FNDC3B: variants seen among roughly 807,000 people sequenced by gnomAD.
The protein encoded by FNDC3B is fibronectin type III domain-containing protein 3B.
FNDC3B carries 12 observed loss-of-function variants against 151.5 expected under a neutral mutation model. The observed-to-expected ratio is 0.08, with a 90% CI of 0.05 to 0.13. The LOEUF is 0.13. Among genes scored for constraint, FNDC3B ranks in the 10% least tolerant of loss-of-function variants. FNDC3B has a pLI of 1.00. For missense variants in FNDC3B, 1,214 were observed against 1,505.3 expected (o/e 0.81, Z 3.20); for synonymous variants, 528 against 549.0 (o/e 0.96, Z 0.54).
chr3:172,336,852 G>A (rs576518627), intron 15 of FNDC3B, among the ~76,000 whole-genome samples: 4 of 150,862 alleles, frequency 2.7e-5, no homozygotes, highest in African/African-American at 9.7e-5. Flanking sequence ...GCCGTGAGCC[G>A]AGATGGCGCC....
At chr3:172,327,505 A>G (rs1732418134) in intron 11 of FNDC3B, among the ~76,000 whole-genome samples, 1 of 152,106 alleles carries the variant, frequency 6.6e-6, no homozygotes. Flanking sequence ...GGTTCACGCC[A>G]TTCTCCCTCC....
intron 1 of FNDC3B, among the ~76,000 whole-genome samples, chr3:172,064,602 C>G (rs1417247157): frequency 1.3e-5 from 2 of 152,222 alleles, no homozygotes; most frequent in Non-Finnish European, 2.9e-5. Context: ...CAAAGTGTGA[C>G]TTCAGAGATA....
At chr3:172,268,655 G>A (rs775403410) in intron 6 of FNDC3B, among the ~76,000 whole-genome samples, 31 of 152,188 alleles carry the variant, frequency 2.0e-4, no homozygotes, top group African/African-American at 3.9e-4. Context: ...ATCAACTTTC[G>A]TGGTATTGCT....
chr3:172,168,474 T>G (rs1326914565), intron 3 of FNDC3B, among the ~76,000 whole-genome samples: 2 of 152,236 alleles, frequency 1.3e-5, no homozygotes, highest in Non-Finnish European at 2.9e-5. Context: ...GGTATGCTGG[T>G]GATAGCTTCT....
chr3:172,169,714 G>A (rs1188480272), intron 3 of FNDC3B, among the ~76,000 whole-genome samples: 7 of 152,214 alleles, frequency 4.6e-5, no homozygotes, highest in Non-Finnish European at 1.0e-4. Context: ...ACGAGTGAGT[G>A]AGAAAAGCTG....
At position 172,112,571 on chromosome 3, in the gene FNDC3B, A is replaced by G. The variant is rs202093397; in HGVS notation, c.92A>G (p.Asn31Ser). 195 of 1,612,976 alleles carry G rather than the reference A, an allele frequency of 1.2e-4. No individual in the cohort carries two copies. Among genetic ancestry groups the G allele is most frequent in the Non-Finnish European group, 1.6e-4 (192 of 1,178,898 alleles). Residue 31 changes from asparagine (N) to serine (S), a missense_variant, in exon 2 of 26, where the codon AAT becomes AGT. Physicochemically the swap from Asn to Ser is conservative, Grantham distance 46. Coordinates refer to ENST00000415807, the MANE Select transcript of FNDC3B (RefSeq NM_022763.4). ...GTAGCCATGATGCCCCACTTGGTGA[A>G]TGGAGATGCAGCTCAGCAGGTTGGT... Reference protein sequence around the residue: ...GEVAMMPHLVNGDAAQQVILV... With the variant: ...GEVAMMPHLVSGDAAQQVILV...
intron 6 of FNDC3B, 78 bp downstream of exon 6, chr3:172,251,619 T>C: frequency 3.7e-6 from 5 of 1,347,688 alleles, no homozygotes; most frequent in Non-Finnish European, 5.0e-6. Flanking sequence ...ATCTTTTACA[T>C]GAGAATATTA....
chr3:172,142,268 A>C (rs1721663300), intron 3 of FNDC3B, among the ~76,000 whole-genome samples: 1 of 152,230 alleles, frequency 6.6e-6, no homozygotes, highest in South Asian at 2.1e-4. Flanking sequence ...CAGAAAGCCT[A>C]TGCGAACTGG....
chr3:172,171,235 C>T (rs1028131613), intron 3 of FNDC3B, among the ~76,000 whole-genome samples: 1 of 152,162 alleles, frequency 6.6e-6, no homozygotes, highest in African/African-American at 2.4e-5. Context: ...TTAAGATAGG[C>T]TTGGAAAGTG....
rs570321101 is a variant in FNDC3B at position 172,328,744 on chromosome 3, A to G, written c.1255-208A>G. On this transcript the variant is annotated intron_variant, in intron 11 of 25. Transcript: ENST00000415807. The stretch of plus-strand genomic sequence containing the variant: ...CTGTCTCAATTACAGAATTTTCTGT[A>G]GTGCCTTTATGTTAGAGATGAGATT... 3.1e-3 allele frequency among the ~76,000 whole-genome samples: 468 copies of G among 152,300 alleles called. 3 individuals are homozygous for G. Among genetic ancestry groups the G allele is most frequent in the African/African-American group, 0.011 (456 of 41,554 alleles).
intron 3 of FNDC3B, among the ~76,000 whole-genome samples, chr3:172,176,628 A>G (rs1051182120): frequency 1.1e-4 from 16 of 152,190 alleles, no homozygotes; most frequent in African/African-American, 3.6e-4. Flanking sequence ...GTCGAATGAG[A>G]TAATGTGAGA....
intron 3 of FNDC3B, among the ~76,000 whole-genome samples, chr3:172,196,892 AC>A (rs1196917449): frequency 2.0e-5 from 3 of 152,232 alleles, no homozygotes; most frequent in Non-Finnish European, 4.4e-5. Flanking sequence ...TTTTTAAAGA[AC>A]AATTCTTGGC....
chr3:172,080,541 G>C (rs1026031758), intron 1 of FNDC3B, among the ~76,000 whole-genome samples: 2 of 151,948 alleles, frequency 1.3e-5, no homozygotes, highest in South Asian at 2.1e-4. Flanking sequence ...GCCTCCCAAA[G>C]TGTTGGGATT....
rs1332529231 is a variant in FNDC3B, at chr3:172,045,123, T to G, written c.-29+5352T>G. Among the ~76,000 whole-genome samples the G allele has an allele frequency of 2.6e-5, 4 of 152,186 alleles. No individual in the cohort carries two copies. In the East Asian group the frequency reaches 7.7e-4, roughly 29 times the overall value. On this transcript the variant is annotated intron_variant, in intron 1 of 25. Coordinates refer to ENST00000415807, the MANE Select transcript of FNDC3B (RefSeq NM_022763.4). Reference sequence around the variant, plus strand: ...CTCCATAGTTCATTATATTCCAGAGTTTAAAACTGAGCTGGTGCTATGGTA... The same window carrying G: ...CTCCATAGTTCATTATATTCCAGAGGTTAAAACTGAGCTGGTGCTATGGTA...
chr3:172,172,440 TAA>T (rs1723331975), intron 3 of FNDC3B, among the ~76,000 whole-genome samples: 1 of 152,216 alleles, frequency 6.6e-6, no homozygotes, highest in Admixed American at 6.5e-5. Context: ...TGTGACAAAG[TAA>T]AGAGTGTCCA....
chr3:172,140,554 C>T (rs1308270202), intron 3 of FNDC3B, among the ~76,000 whole-genome samples: 1 of 152,340 alleles, frequency 6.6e-6, no homozygotes, highest in African/African-American at 2.4e-5. Context: ...CTTTTACAGA[C>T]AGCAGCTTGC....
intron 1 of FNDC3B, among the ~76,000 whole-genome samples, chr3:172,087,710 G>A (rs973258150): frequency 1.3e-5 from 2 of 152,108 alleles, no homozygotes; most frequent in Non-Finnish European, 2.9e-5. Flanking sequence ...GTAACATGCT[G>A]GAAATGAAAT....
At chr3:172,339,858 T>C (rs1339804793) in intron 16 of FNDC3B, among the ~76,000 whole-genome samples, 1 of 152,220 alleles carries the variant, frequency 6.6e-6, no homozygotes, top group African/African-American at 2.4e-5. Context: ...ACCTGTAATA[T>C]CAGGATAATT....
intron 6 of FNDC3B, among the ~76,000 whole-genome samples, chr3:172,254,453 A>G (rs568974072): frequency 5.9e-5 from 9 of 152,290 alleles, no homozygotes; most frequent in Admixed American, 2.0e-4. Flanking sequence ...TGGTTAACCA[A>G]GTTGTACACA....
Sources: gnomAD v4.1 joint callset for allele counts (sites outside exome capture counted in the v4.1 genomes callset) on GRCh38, gnomAD v4.1.1 for gene constraint, MANE v1.5 for transcripts, NCBI Gene and HGNC (gene_info 2026-07-23, HGNC 2026-07-21) for gene names.